FANCL: variants seen among roughly 807,000 people sequenced by gnomAD.
FANCL encodes E3 ubiquitin-protein ligase FANCL.
In FANCL, 69 loss-of-function variants were observed where a neutral mutation model predicts 59.4. The ratio of observed to expected loss-of-function variants is 1.16; its 90% CI spans 0.96 to 1.42. The LOEUF (loss-of-function observed/expected upper bound fraction) is 1.42, where lower values mean the gene tolerates loss of function less well. Among genes scored for constraint, FANCL ranks in the 40% most tolerant of loss-of-function variants. The probability of loss-of-function intolerance (pLI) is 0.00; values close to 1 mark genes in which losing one functional copy is unlikely to be tolerated. For synonymous variants in FANCL, 180 were observed against 147.1 expected, an observed-to-expected ratio of 1.22 and a Z score of -1.62; for missense variants, 519 against 447.2, an observed-to-expected ratio of 1.16 and a Z score of -1.45.
chr2:58,199,693 C>T (rs1282567096), intron 6 of FANCL, among the ~76,000 whole-genome samples: 1 of 152,098 alleles, frequency 6.6e-6, no homozygotes, highest in Non-Finnish European at 1.5e-5. Context: ...GAGAATCATA[C>T]TTAATGATTT....
intron 5 of FANCL, among the ~76,000 whole-genome samples, chr2:58,208,902 T>C (rs556873715): frequency 6.6e-6 from 1 of 152,326 alleles, no homozygotes; most frequent in Admixed American, 6.5e-5. Context: ...ATTAGCCTCG[T>C]AGTCAAGACC....
chr2:58,236,879 T>A (rs1168183471), intron 1 of FANCL, among the ~76,000 whole-genome samples: 1 of 152,180 alleles, frequency 6.6e-6, no homozygotes, highest in Non-Finnish European at 1.5e-5. Context: ...GGTCATTTCA[T>A]AATCCTAAAG....
intron 7 of FANCL, chr2:58,194,369 C>G (rs1689230330): frequency 4.3e-6 from 2 of 459,984 alleles, no homozygotes; most frequent in South Asian, 3.1e-5. Context: ...AGAGTATTTA[C>G]ACATCTGACC....
At chr2:58,240,538 G>C (rs1414966313) in intron 1 of FANCL, among the ~76,000 whole-genome samples, 1 of 152,172 alleles carries the variant, frequency 6.6e-6, no homozygotes, top group Non-Finnish European at 1.5e-5. Context: ...TGGGAATGAT[G>C]ATTCTTTTAA....
intron 7 of FANCL, among the ~76,000 whole-genome samples, chr2:58,166,481 T>C (rs1212667661): frequency 6.6e-6 from 1 of 152,202 alleles, no homozygotes; most frequent in South Asian, 2.1e-4. Flanking sequence ...CATATATTAA[T>C]CCCTTTATAG....
At position 58,214,434 on chromosome 2, in the gene FANCL, G is replaced by T. The variant is rs553147194; in HGVS notation, c.374+7508C>A. 2.0e-5 allele frequency among the ~76,000 whole-genome samples: 3 copies of T among 151,942 alleles called. No individual in the cohort carries two copies. In the South Asian group the frequency reaches 6.3e-4, roughly 32 times the overall value. On this transcript the variant is annotated intron_variant, in intron 5 of 13. Transcript: ENST00000233741. Reference sequence around the variant, plus strand: ...AATTATACTCTACCCTTCTTATCGTGGTCATAATTCAGTATTACTATGATC... The same window carrying T: ...AATTATACTCTACCCTTCTTATCGTTGTCATAATTCAGTATTACTATGATC...
At chr2:58,183,852 T>C (rs929507763) in intron 7 of FANCL, among the ~76,000 whole-genome samples, 13 of 152,024 alleles carry the variant, frequency 8.6e-5, no homozygotes, top group Non-Finnish European at 1.2e-4. Flanking sequence ...GCTTCTCTGA[T>C]ATAAAAGTAC....
intron 5 of FANCL, among the ~76,000 whole-genome samples, chr2:58,212,711 G>A (rs1446306407): frequency 6.6e-6 from 1 of 151,904 alleles, no homozygotes; most frequent in Non-Finnish European, 1.5e-5. Context: ...AACCCACCAA[G>A]ACATCATTTT....
chr2:58,209,410 T>C (rs2105188074), intron 5 of FANCL, among the ~76,000 whole-genome samples: 1 of 152,274 alleles, frequency 6.6e-6, no homozygotes, highest in South Asian at 2.1e-4. Flanking sequence ...TAATTTGCAG[T>C]TATTCAATGA....
chr2:58,239,723 C>A (rs1694340300), intron 1 of FANCL, among the ~76,000 whole-genome samples: 1 of 152,124 alleles, frequency 6.6e-6, no homozygotes, highest in East Asian at 1.9e-4. Flanking sequence ...GGGAACTACG[C>A]CTGATTTGAC....
intron 5 of FANCL, among the ~76,000 whole-genome samples, chr2:58,208,899 T>A (rs896451300): frequency 1.4e-4 from 22 of 152,168 alleles, no homozygotes. Context: ...ATCATTAGCC[T>A]CGTAGTCAAG....
chr2:58,193,240 G>T (rs1008481984), intron 7 of FANCL, among the ~76,000 whole-genome samples: 2 of 151,886 alleles, frequency 1.3e-5, no homozygotes, highest in African/African-American at 4.8e-5. Context: ...TATTATCAAT[G>T]ATATTTTTTA....
chr2:58,171,305 A>G (rs546358861), intron 7 of FANCL, among the ~76,000 whole-genome samples: 2 of 152,318 alleles, frequency 1.3e-5, no homozygotes, highest in East Asian at 3.9e-4. Flanking sequence ...GCAGAAATAA[A>G]TAAGTTTTTT....
intron 5 of FANCL, among the ~76,000 whole-genome samples, chr2:58,220,648 G>A (rs1692382619): frequency 6.6e-6 from 1 of 152,102 alleles, no homozygotes; most frequent in Non-Finnish European, 1.5e-5. Flanking sequence ...CATATATTCT[G>A]CACTTAAGAT....
chr2:58,164,339 A>G (rs575438360), intron 8 of FANCL, among the ~76,000 whole-genome samples: 9 of 152,158 alleles, frequency 5.9e-5, no homozygotes, highest in East Asian at 1.9e-4. Flanking sequence ...CAGTTATTGC[A>G]TATCTGGCAA....
chr2:58,163,582 T>A, intron 8 of FANCL, 65 bp from the exon 9 acceptor site: 1 of 1,010,456 alleles, frequency 9.9e-7, no homozygotes, highest in Non-Finnish European at 1.6e-6. Flanking sequence ...CAATAAAAAA[T>A]AAAGAGGTGT....
intron 7 of FANCL, among the ~76,000 whole-genome samples, chr2:58,196,557 ATATT>A (rs1173146022): frequency 6.7e-6 from 1 of 150,138 alleles, no homozygotes; most frequent in Admixed American, 6.6e-5. Flanking sequence ...TATTAATATA[ATATT>A]TATTCCATGC....
At chr2:58,168,536 T>G (rs567742411) in intron 7 of FANCL, among the ~76,000 whole-genome samples, 1 of 152,162 alleles carries the variant, frequency 6.6e-6, no homozygotes, top group African/African-American at 2.4e-5. Flanking sequence ...GGGCAGACAT[T>G]GAGCTAGCTA....
Position 58,240,410 on chromosome 2 carries a change from T to C in FANCL, c.96+808A>G, listed in dbSNP as rs1319775099. Among the ~76,000 whole-genome samples the C allele has an allele frequency of 3.9e-5, 6 of 152,084 alleles. No individual in the cohort carries two copies. The East Asian group carries it at 9.6e-4, about 24-fold the overall frequency. On this transcript the variant is annotated intron_variant, in intron 1 of 13. Transcript: ENST00000233741. ...CCTAACCTAAGGTATCCTGGTGCAATGTAAAGAGAAAAAAATCCAGGACTG... is the reference window on the plus strand; with the variant it reads ...CCTAACCTAAGGTATCCTGGTGCAACGTAAAGAGAAAAAAATCCAGGACTG...
Sources: gnomAD v4.1 joint callset for allele counts (sites outside exome capture counted in the v4.1 genomes callset) on GRCh38, gnomAD v4.1.1 for gene constraint, MANE v1.5 for transcripts, NCBI Gene and HGNC (gene_info 2026-07-23, HGNC 2026-07-21) for gene names.